The following STAU2 variants were observed in gnomAD, a reference collection of about 807,000 sequenced individuals.
The protein encoded by STAU2 is staufen double-stranded RNA binding protein 2, also known as double-stranded RNA-binding protein Staufen homolog 2.
In STAU2, 20 loss-of-function variants were observed where a neutral mutation model predicts 65.9. That is an observed-to-expected ratio of 0.30 (90% CI 0.21 to 0.44). STAU2 has a LOEUF of 0.44. STAU2 is among the 20% of genes least tolerant of loss of function. The pLI is 1.00. For missense variants in STAU2, 558 were observed against 683.9 expected, an observed-to-expected ratio of 0.82 and a Z score of 2.05; for synonymous variants, 232 against 233.9, an observed-to-expected ratio of 0.99 and a Z score of 0.07.
At position 73,655,253 on chromosome 8, in the gene STAU2, T is replaced by C. The variant is rs1816264924; in HGVS notation, c.410+17854A>G. Among the ~76,000 whole-genome samples the C allele has an allele frequency of 2.0e-5, 3 of 152,374 alleles. No homozygotes were observed. In the South Asian group the frequency reaches 6.2e-4, roughly 32 times the overall value. ...TACTTGCAAAGGATGTAGTTTCTAA[T>C]TTACTGTAAATATTTACATTTTAAA... On this transcript the variant is annotated intron_variant, in intron 6 of 14. Transcript: ENST00000524300.
At chr8:73,621,679 AG>A (rs1217154018) in intron 6 of STAU2, among the ~76,000 whole-genome samples, 1 of 152,178 alleles carries the variant, frequency 6.6e-6, no homozygotes, top group Non-Finnish European at 1.5e-5. Flanking sequence ...ATCCCAAAAA[AG>A]TCTTGGGATT....
At chr8:73,672,121 T>C (rs1817727874) in intron 6 of STAU2, 1 of 152,120 alleles carries the variant, frequency 6.6e-6, no homozygotes, top group Non-Finnish European at 1.5e-5. Flanking sequence ...ATATACAAGA[T>C]ACACAAATTA....
At chr8:73,538,539 T>C (rs1806326885) in intron 13 of STAU2, among the ~76,000 whole-genome samples, 1 of 152,020 alleles carries the variant, frequency 6.6e-6, no homozygotes, top group Non-Finnish European at 1.5e-5. Flanking sequence ...AGTGGGGCAA[T>C]GTGGTACTGT....
chr8:73,598,706 T>TA (rs1042686230), intron 10 of STAU2, among the ~76,000 whole-genome samples: 4 of 151,706 alleles, frequency 2.6e-5, no homozygotes, highest in African/African-American at 7.3e-5. Flanking sequence ...CAAGGAAAAG[T>TA]AAAAAAAGAA....
chr8:73,603,620 C>T, intron 10 of STAU2, 106 bp downstream of exon 10: 1 of 1,410,054 alleles, frequency 7.1e-7, no homozygotes, highest in Non-Finnish European at 9.5e-7. Context: ...TAACTGGAAA[C>T]AGTTTTACTT....
intron 10 of STAU2, among the ~76,000 whole-genome samples, chr8:73,600,755 A>G (rs1384885522): frequency 2.0e-5 from 3 of 152,146 alleles, no homozygotes; most frequent in South Asian, 4.1e-4. Flanking sequence ...CTAGATTTCC[A>G]TCTGGCCTAT....
chr8:73,530,531 G>A (rs533009386), intron 13 of STAU2, among the ~76,000 whole-genome samples: 114 of 152,288 alleles, frequency 7.5e-4, no homozygotes, highest in Middle Eastern at 6.8e-3. Flanking sequence ...GATACAGAGT[G>A]GGAATACCTG....
chr8:73,431,474 C>T (rs921313825), intron 13 of STAU2, among the ~76,000 whole-genome samples: 1 of 152,202 alleles, frequency 6.6e-6, no homozygotes, highest in African/African-American at 2.4e-5. Context: ...TTATTCCTGT[C>T]TTTTCAGGTC....
chr8:73,471,851 GA>G, intron 13 of STAU2, among the ~76,000 whole-genome samples: 3 of 143,314 alleles, frequency 2.1e-5, no homozygotes, highest in Admixed American at 7.1e-5. Context: ...AGAAGAAGGA[GA>G]AGGAGAAGGA....
intron 6 of STAU2, among the ~76,000 whole-genome samples, chr8:73,666,164 G>T (rs932269449): frequency 1.3e-5 from 2 of 151,960 alleles, no homozygotes; most frequent in African/African-American, 4.8e-5. Context: ...TTTTTAAGAG[G>T]GTGTTACAAA....
intron 13 of STAU2, among the ~76,000 whole-genome samples, chr8:73,538,658 CCTT>C (rs34695568): frequency 0.78 from 115,822 of 148,940 alleles, 46,295 homozygotes; most frequent in East Asian, 0.9. Context: ...AAAGCTTTCT[CCTT>C]AAGTCAGAGT....
At chr8:73,462,059 C>T (rs191208221) in intron 13 of STAU2, among the ~76,000 whole-genome samples, 1 of 141,164 alleles carries the variant, frequency 7.1e-6, no homozygotes, top group Admixed American at 7.4e-5. Context: ...AAAAATTTCA[C>T]CTATTTTATT....
intron 10 of STAU2, among the ~76,000 whole-genome samples, chr8:73,596,288 T>C (rs1053850543): frequency 2.0e-5 from 3 of 152,118 alleles, no homozygotes; most frequent in Non-Finnish European, 2.9e-5. Flanking sequence ...TTAAACAAGA[T>C]AATGTATGTA....
chr8:73,649,256 AT>A (rs1188308736), intron 6 of STAU2, among the ~76,000 whole-genome samples: 1 of 152,170 alleles, frequency 6.6e-6, no homozygotes, highest in Non-Finnish European at 1.5e-5. Flanking sequence ...AGTTAAAAAT[AT>A]TTTTTTGATA....
At chr8:73,427,290 G>A (rs1399851740) in intron 13 of STAU2, among the ~76,000 whole-genome samples, 1 of 152,112 alleles carries the variant, frequency 6.6e-6, no homozygotes, top group East Asian at 1.9e-4. Context: ...AGCAGCAGTG[G>A]GAGGAGGGTG....
chr8:73,443,817 C>T (rs1351838642), intron 13 of STAU2, among the ~76,000 whole-genome samples: 1 of 151,022 alleles, frequency 6.6e-6, no homozygotes, highest in Middle Eastern at 3.2e-3. Context: ...CACTGTACTC[C>T]AGCCTAGGTG....
intron 12 of STAU2, 149 bp from the exon 13 acceptor site, chr8:73,552,468 T>C (rs566410106): frequency 4.2e-5 from 29 of 689,204 alleles, no homozygotes; most frequent in South Asian, 2.5e-4. Flanking sequence ...GTAGAGGCAG[T>C]TGCAGCTTCT....
intron 13 of STAU2, among the ~76,000 whole-genome samples, chr8:73,502,449 C>A (rs982688333): frequency 6.6e-6 from 1 of 151,992 alleles, no homozygotes; most frequent in Non-Finnish European, 1.5e-5. Context: ...ACCTGTACCT[C>A]ACATTCTAAC....
At chr8:73,507,138 G>A in intron 13 of STAU2, among the ~76,000 whole-genome samples, 1 of 150,424 alleles carries the variant, frequency 6.6e-6, no homozygotes, top group East Asian at 1.9e-4. Flanking sequence ...CTCCTCCCAT[G>A]AATCACAAAT....
Sources: allele counts gnomAD v4.1 joint callset (sites outside exome capture counted in the v4.1 genomes callset), GRCh38; gene constraint gnomAD v4.1.1; transcripts MANE v1.5; gene names NCBI Gene and HGNC (gene_info 2026-07-23, HGNC 2026-07-21).